Variants in SRPX observed in about 807,000 individuals in gnomAD.
SRPX encodes sushi repeat containing protein X-linked.
A neutral mutation model predicts 38.1 loss-of-function variants in SRPX; 24 were observed. The ratio of observed to expected loss-of-function variants is 0.63; its 90% CI spans 0.46 to 0.89. The LOEUF is 0.89. SRPX is among the 40% of genes least tolerant of loss of function. SRPX has a pLI of 0.00. For synonymous variants in SRPX, 184 were observed against 153.8 expected (o/e 1.20, Z -1.45); for missense variants, 416 against 377.8 (o/e 1.10, Z -0.84).
chrX:38,155,075 T>A (rs1269566002), intron 8 of SRPX, among the ~76,000 whole-genome samples: 18 of 108,581 alleles, frequency 1.7e-4, no homozygotes, highest in African/African-American at 5.7e-4. Flanking sequence ...ACCTTGGGAA[T>A]GTGGCCCAGT....
chrX:38,154,494 C>G lies in SRPX; in HGVS notation c.1179G>C (p.Lys393Asn), dbSNP rs773402989. The part of the protein sequence containing the change: ...FPTLIGRIGA[K>N]IMPPALALQL... ...GCAGCGCTAGGGCTGGAGGCATAATCTTTGCTCCTATCCTGCCAATGAGAG... is the reference window on the plus strand; with the variant it reads ...GCAGCGCTAGGGCTGGAGGCATAATGTTTGCTCCTATCCTGCCAATGAGAG... The change falls in exon 9 of 10, where the codon AAG becomes AAC. Residue 393 changes from lysine to asparagine, a missense_variant. Transcript: ENST00000378533. The G allele has an allele frequency of 8.3e-6, 10 of 1,206,397 alleles. No homozygotes were observed. The East Asian group carries it at 1.8e-4, about 21-fold the overall frequency.
intron 1 of SRPX, among the ~76,000 whole-genome samples, chrX:38,192,215 C>A: frequency 8.9e-6 from 1 of 111,964 alleles, no homozygotes; most frequent in African/African-American, 3.2e-5. Flanking sequence ...TGGCAGCATC[C>A]CCAAAGTGCA....
intron 4 of SRPX, among the ~76,000 whole-genome samples, chrX:38,171,235 C>T (rs1602446679): frequency 1.8e-5 from 2 of 111,394 alleles, no homozygotes; most frequent in East Asian, 5.6e-4. Flanking sequence ...AGATCAGTAG[C>T]TCTCTATTTG....
At chrX:38,172,080 T>C (rs1219083745) in intron 3 of SRPX, 23 bp from the exon 4 acceptor site, 2 of 1,197,239 alleles carry the variant, frequency 1.7e-6, no homozygotes, top group Admixed American at 2.2e-5. Flanking sequence ...AAATCAGATA[T>C]TCAGCATTTC....
At chrX:38,174,956 G>T (rs962827238) in intron 2 of SRPX, among the ~76,000 whole-genome samples, 23 of 111,688 alleles carry the variant, frequency 2.1e-4, no homozygotes, top group Non-Finnish European at 4.0e-4. Context: ...CAGAACAATT[G>T]CTCTCCATAG....
At chrX:38,220,052 A>G (rs1939486726) in intron 1 of SRPX, among the ~76,000 whole-genome samples, 1 of 113,311 alleles carries the variant, frequency 8.8e-6, no homozygotes, top group African/African-American at 3.2e-5. Flanking sequence ...TCTGCCCAGC[A>G]GATCCTTGCG....
In SRPX at chrX:38,149,694, A is replaced by G; in HGVS notation, c.*17T>C. 8.3e-7 allele frequency: 1 copy of G among 1,199,829 alleles called. No homozygotes were observed. Among genetic ancestry groups the G allele is most frequent in the Non-Finnish European group, 1.1e-6 (1 of 889,042 alleles). On this transcript the variant is annotated 3_prime_UTR_variant, in exon 10 of 10. Transcript: ENST00000378533. ...TGTAGACAATGAAGAGGAATTGCCA[A>G]GAGAGGAACCATCATGTCAGGTGTT...
At chrX:38,177,955 G>C (rs897172357) in intron 2 of SRPX, among the ~76,000 whole-genome samples, 1 of 111,787 alleles carries the variant, frequency 8.9e-6, no homozygotes, top group African/African-American at 3.3e-5. Flanking sequence ...GTTTACTCTG[G>C]ATGATTCTGG....
chrX:38,212,095 G>T (rs1479343466), intron 1 of SRPX, among the ~76,000 whole-genome samples: 5 of 112,062 alleles, frequency 4.5e-5, no homozygotes, highest in African/African-American at 1.6e-4. Context: ...TATTCATCAG[G>T]TATTAATACA....
At chrX:38,195,401 T>TA (rs1459146181) in intron 1 of SRPX, among the ~76,000 whole-genome samples, 2 of 105,283 alleles carry the variant, frequency 1.9e-5, no homozygotes, top group Admixed American at 2.0e-4. Context: ...TTTTTTTTTT[T>TA]ACCATACCCA....
intron 1 of SRPX, among the ~76,000 whole-genome samples, chrX:38,197,248 G>A (rs1294980112): frequency 8.9e-6 from 1 of 112,272 alleles, no homozygotes; most frequent in Non-Finnish European, 1.9e-5. Flanking sequence ...GAGCTTCCCT[G>A]GCAGGCTTGG....
chrX:38,164,762 C>T lies in SRPX; in HGVS notation c.653+7G>A. On this transcript the variant is annotated splice_region_variant and intron_variant, in intron 5 of 9. Coordinates refer to ENST00000378533, the MANE Select transcript of SRPX (RefSeq NM_006307.5). Reference sequence around the variant, plus strand: ...CAGCATCATTTTATCTGCCAAGTTTCACTTACTCAGTAAGAATTCCATCTG... The same window carrying T: ...CAGCATCATTTTATCTGCCAAGTTTTACTTACTCAGTAAGAATTCCATCTG... 1 of 1,209,170 alleles carries T rather than the reference C, an allele frequency of 8.3e-7. No individual in the cohort carries two copies. The highest frequency in any genetic ancestry group is 1.1e-6 in the Non-Finnish European group (1 of 894,608).
intron 2 of SRPX, among the ~76,000 whole-genome samples, chrX:38,177,893 C>T (rs1037023756): frequency 1.8e-5 from 2 of 112,076 alleles, no homozygotes; most frequent in Non-Finnish European, 3.8e-5. Flanking sequence ...TTTCTCCTTC[C>T]CCATTCATCT....
chrX:38,209,001 T>TATATA (rs35792519), intron 1 of SRPX, among the ~76,000 whole-genome samples: 7 of 101,855 alleles, frequency 6.9e-5, no homozygotes, highest in Middle Eastern at 5.0e-3. Flanking sequence ...TATATATATA[T>TATATA]TTTTTTTTTG....
rs1307529769 is a variant in SRPX at position 38,178,934 on chromosome X, C to T, written c.98-590G>A. ...TAGAACCTCTCATGAACGTATGGCTCAAGTAAAATTTCTTTTTTTTTTTTT... is the reference window on the plus strand; with the variant it reads ...TAGAACCTCTCATGAACGTATGGCTTAAGTAAAATTTCTTTTTTTTTTTTT... On this transcript the variant is annotated intron_variant, in intron 1 of 9. Coordinates refer to ENST00000378533, the MANE Select transcript of SRPX (RefSeq NM_006307.5). Among the ~76,000 whole-genome samples the T allele has an allele frequency of 3.9e-5, 4 of 103,235 alleles. No individual in the cohort carries two copies. The East Asian group carries it at 1.3e-3, about 34-fold the overall frequency. 89.6% of individuals were successfully genotyped at this position (103,235 alleles called of 115,157 possible).
In SRPX at chrX:38,174,168, A is replaced by G. The variant is rs978412260; in HGVS notation, c.341T>C (p.Ile114Thr). 5 of 1,093,931 alleles carry G rather than the reference A, an allele frequency of 4.6e-6. No individual in the cohort carries two copies. Among genetic ancestry groups the G allele is most frequent in the Non-Finnish European group, 4.8e-6 (4 of 835,834 alleles). The allele number at this position is 1,093,931 out of a possible 1,213,427, so 90.2% of individuals were successfully genotyped here. A position where few individuals can be genotyped will look rare whatever the true frequency, so the allele number is the denominator to read the frequency against. ...QSNKRWSDKVICKQKRCPTLA... is the reference protein window; with the variant it reads ...QSNKRWSDKVTCKQKRCPTLA... ...AGAGCTGGCCTACTCACGTTTGCAG[A>G]TGACCTTGTCAGACCATCGTTTGTT... The change falls in exon 3 of 10, where the codon ATC becomes ACC. Residue 114 changes from isoleucine to threonine, a missense_variant. Ile to Thr is a moderately conservative substitution (Grantham distance 89). Transcript: ENST00000378533.
At chrX:38,196,037 A>G (rs957298956) in intron 1 of SRPX, among the ~76,000 whole-genome samples, 6 of 112,455 alleles carry the variant, frequency 5.3e-5, no homozygotes, top group African/African-American at 1.9e-4. Flanking sequence ...TCAAATCAGT[A>G]AAAATATGGA....
At chrX:38,155,041 C>T (rs1021675162) in intron 8 of SRPX, among the ~76,000 whole-genome samples, 1 of 110,689 alleles carries the variant, frequency 9.0e-6, no homozygotes, top group Admixed American at 9.6e-5. Context: ...AGGTTCCAAG[C>T]CTCTAAGCTG....
intron 4 of SRPX, among the ~76,000 whole-genome samples, chrX:38,166,704 A>T (rs1400110175): frequency 8.9e-6 from 1 of 112,304 alleles, no homozygotes; most frequent in East Asian, 2.8e-4. Context: ...TGGCAATTAC[A>T]TTATAGAAAG....
Sources: allele counts gnomAD v4.1 joint callset (sites outside exome capture counted in the v4.1 genomes callset), GRCh38; gene constraint gnomAD v4.1.1; transcripts MANE v1.5; gene names NCBI Gene and HGNC (gene_info 2026-07-23, HGNC 2026-07-21).